The following TENM3 variants were observed in gnomAD, a reference collection of about 807,000 sequenced individuals.
TENM3 encodes teneurin-3.
TENM3 carries 63 observed loss-of-function variants against 255.1 expected under a neutral mutation model. The ratio of observed to expected loss-of-function variants is 0.25; its 90% CI spans 0.20 to 0.30. The LOEUF is 0.30. TENM3 is among the 10% of genes least tolerant of loss of function. TENM3 has a pLI of 1.00. For missense variants in TENM3, 2,929 were observed against 3,461.1 expected, an observed-to-expected ratio of 0.85 and a Z score of 3.86; for synonymous variants, 1,306 against 1,322.3, an observed-to-expected ratio of 0.99 and a Z score of 0.27.
chr4:181,503,129 G>A, the TENM3 span, among the ~76,000 whole-genome samples: 3 of 152,146 alleles, frequency 2.0e-5, no homozygotes, highest in South Asian at 4.1e-4. Context: ...CTGGGAGACC[G>A]AGGTGGGAGG....
At chr4:182,057,292 G>C in the TENM3 span, among the ~76,000 whole-genome samples, 1 of 141,054 alleles carries the variant, frequency 7.1e-6, no homozygotes, top group Non-Finnish European at 1.5e-5. Context: ...ATTTCTCAAA[G>C]AGAGAGAGAG....
At position 182,174,106 on chromosome 4, in the gene TENM3, CTG is replaced by C. The variant is rs1296195643; in HGVS notation, c.-76+29355_-76+29356del. Among the ~76,000 whole-genome samples, 17 of 152,204 alleles carry C rather than the reference CTG, an allele frequency of 1.1e-4. No homozygotes were observed. In the South Asian group the frequency reaches 3.3e-3, roughly 30 times the overall value. ...AAATTAAGATTAATTTACTTAAACA[CTG>C]TGCTCTACATTTATCTTTATCTTGA... On this transcript the variant is annotated intron_variant, in intron 1 of 2. Coordinates refer to the TENM3 transcript ENST00000512480.
At chr4:182,022,269 G>A in the TENM3 span, among the ~76,000 whole-genome samples, 1 of 152,074 alleles carries the variant, frequency 6.6e-6, no homozygotes. Flanking sequence ...TGCAGCAAGA[G>A]GCCATTATTC....
At chr4:181,833,919 T>C in the TENM3 span, among the ~76,000 whole-genome samples, 39 of 152,310 alleles carry the variant, frequency 2.6e-4, no homozygotes, top group African/African-American at 8.2e-4. Flanking sequence ...TGAGAACTTA[T>C]TAAATCTTGC....
At chr4:182,540,184 C>T (rs1304590778) in intron 3 of TENM3, among the ~76,000 whole-genome samples, 3 of 152,202 alleles carry the variant, frequency 2.0e-5, no homozygotes, top group African/African-American at 7.2e-5. Flanking sequence ...CTAGCATTTC[C>T]TCCATAAGTT....
chr4:182,188,337 C>T (rs1382607902), intron 1 of TENM3, among the ~76,000 whole-genome samples: 1 of 152,038 alleles, frequency 6.6e-6, no homozygotes. Context: ...TGCCTCTTCT[C>T]AAATCTCAAG....
chr4:181,527,049 A>G, the TENM3 span, among the ~76,000 whole-genome samples: 1 of 151,648 alleles, frequency 6.6e-6, no homozygotes, highest in African/African-American at 2.4e-5. Flanking sequence ...ACCCTGCTGA[A>G]GCTCACTCCT....
chr4:182,561,206 T>C (rs1263131517), intron 3 of TENM3, among the ~76,000 whole-genome samples: 1 of 152,066 alleles, frequency 6.6e-6, no homozygotes, highest in Non-Finnish European at 1.5e-5. Context: ...GATTGGATGA[T>C]GTTTGTAGAG....
At chr4:181,499,801 T>C in the TENM3 span, among the ~76,000 whole-genome samples, 1 of 152,184 alleles carries the variant, frequency 6.6e-6, no homozygotes, top group Non-Finnish European at 1.5e-5. Flanking sequence ...GTGTTTCCTG[T>C]ATGGTCCTCA....
chr4:181,566,191 A>G, the TENM3 span, among the ~76,000 whole-genome samples: 1 of 152,220 alleles, frequency 6.6e-6, no homozygotes, highest in Non-Finnish European at 1.5e-5. Context: ...ATTTTTTAGA[A>G]CTTTTAGTAT....
At chr4:182,051,352 A>G in the TENM3 span, among the ~76,000 whole-genome samples, 1 of 150,292 alleles carries the variant, frequency 6.7e-6, no homozygotes, top group East Asian at 2.0e-4. Flanking sequence ...TCAAAAAAAA[A>G]AAGCAAATGA....
rs1029573230 is a variant in TENM3, at chr4:182,299,009, A to G, written c.-75-24937A>G. ...CAAAAAAAAAAAAAAAAAAAAAAAA[A>G]AAAAAAAGAGGTAATGGACTGGCCA... On this transcript the variant is annotated intron_variant, in intron 1 of 27. Coordinates refer to ENST00000511685, the MANE Select transcript of TENM3 (RefSeq NM_001080477.4). Among the ~76,000 whole-genome samples, 732 of 87,852 alleles carry G rather than the reference A, an allele frequency of 8.3e-3. 33 individuals carry two copies. Among genetic ancestry groups the G allele is most frequent in the African/African-American group, 0.053 (679 of 12,862 alleles). The allele number at this position is 87,852 out of a possible 152,430, so 57.6% of individuals were successfully genotyped here. A position where few individuals can be genotyped will look rare whatever the true frequency, so the allele number is the denominator to read the frequency against.
At chr4:181,992,244 A>G in the TENM3 span, among the ~76,000 whole-genome samples, 1 of 152,204 alleles carries the variant, frequency 6.6e-6, no homozygotes, top group African/African-American at 2.4e-5. Context: ...TATCTCCTGT[A>G]TGGTGTCTTT....
At chr4:182,622,808 A>C (rs1581133789) in intron 4 of TENM3, among the ~76,000 whole-genome samples, 1 of 152,174 alleles carries the variant, frequency 6.6e-6, no homozygotes, top group Non-Finnish European at 1.5e-5. Flanking sequence ...GAACACCTAC[A>C]ACATGCCAAG....
intron 23 of TENM3, 78 bp from the exon 24 acceptor site, chr4:182,774,840 G>A: frequency 9.8e-7 from 1 of 1,018,906 alleles, no homozygotes; most frequent in Non-Finnish European, 1.5e-6. Flanking sequence ...TAGAAATTTA[G>A]AACCTATCTC....
intron 4 of TENM3, among the ~76,000 whole-genome samples, chr4:182,603,784 T>TATATATATATATATATATATACACAC (rs58332965): frequency 7.5e-6 from 1 of 134,212 alleles, no homozygotes; most frequent in East Asian, 2.3e-4. Context: ...TATATATATA[T>TATATATATATATATATATATACACAC]ACACACACAC....
At chr4:182,015,480 G>A in the TENM3 span, among the ~76,000 whole-genome samples, 6 of 152,016 alleles carry the variant, frequency 3.9e-5, no homozygotes, top group South Asian at 2.1e-4. Flanking sequence ...GAGCACAGTC[G>A]TTTCCTTTGC....
chr4:182,295,593 T>C (rs1761435838), intron 1 of TENM3, among the ~76,000 whole-genome samples: 1 of 152,256 alleles, frequency 6.6e-6, no homozygotes. Context: ...CTAGTCTTTA[T>C]ATTTTAAGAT....
At chr4:182,573,930 TTG>T (rs1744667151) in intron 3 of TENM3, among the ~76,000 whole-genome samples, 1 of 152,158 alleles carries the variant, frequency 6.6e-6, no homozygotes, top group African/African-American at 2.4e-5. Flanking sequence ...AATGTATATT[TTG>T]TTGTTCAGGA....
Sources: gnomAD v4.1 joint callset for allele counts (sites outside exome capture counted in the v4.1 genomes callset) on GRCh38, gnomAD v4.1.1 for gene constraint, MANE v1.5 for transcripts, NCBI Gene and HGNC (gene_info 2026-07-23, HGNC 2026-07-21) for gene names.